The following NALF1 variants were observed in gnomAD, a reference collection of about 807,000 sequenced individuals.
The protein encoded by NALF1 is family with sequence similarity 155 member A.
A neutral mutation model predicts 48.4 loss-of-function variants in NALF1; 3 were observed. That is an observed-to-expected ratio of 0.06 (90% CI 0.03 to 0.16). The LOEUF is 0.16. Among genes scored for constraint, NALF1 ranks in the 10% least tolerant of loss-of-function variants. The pLI is 1.00. For missense variants in NALF1, 526 were observed against 571.5 expected (o/e 0.92, Z 0.81); for synonymous variants, 262 against 245.7 (o/e 1.07, Z -0.62).
intron 1 of NALF1, among the ~76,000 whole-genome samples, chr13:107,804,612 A>G (rs1594279418): frequency 6.6e-6 from 1 of 152,270 alleles, no homozygotes. Flanking sequence ...CTCAGCAGGT[A>G]CTTGCACTGA....
intron 1 of NALF1, among the ~76,000 whole-genome samples, chr13:107,455,238 C>T (rs868841219): frequency 6.6e-6 from 1 of 152,106 alleles, no homozygotes; most frequent in Non-Finnish European, 1.5e-5. Context: ...ATTAAACTTG[C>T]TTTCTTTATA....
intron 1 of NALF1, among the ~76,000 whole-genome samples, chr13:107,863,873 G>A (rs900749658): frequency 5.9e-5 from 9 of 152,248 alleles, no homozygotes; most frequent in African/African-American, 2.2e-4. Context: ...ATACGCTGCA[G>A]TCTATTGTCA....
At chr13:107,317,376 T>C (rs1161136273) in intron 1 of NALF1, among the ~76,000 whole-genome samples, 1 of 152,098 alleles carries the variant, frequency 6.6e-6, no homozygotes, top group African/African-American at 2.4e-5. Context: ...AACCATTCTA[T>C]GATCCCATTG....
chr13:107,568,157 T>A (rs1029297189), intron 1 of NALF1, among the ~76,000 whole-genome samples: 4 of 152,080 alleles, frequency 2.6e-5, no homozygotes, highest in African/African-American at 9.7e-5. Context: ...TATTTTAATT[T>A]TTTCGTAGAG....
intron 2 of NALF1, among the ~76,000 whole-genome samples, chr13:107,205,506 C>A (rs4616151): frequency 0.33 from 49,725 of 151,872 alleles, 9,590 homozygotes; most frequent in Middle Eastern, 0.49. Context: ...CCAGGGGGCG[C>A]CCATCTCCCA....
intron 1 of NALF1, among the ~76,000 whole-genome samples, chr13:107,427,373 C>A (rs1304749181): frequency 6.6e-6 from 1 of 151,902 alleles, no homozygotes; most frequent in Non-Finnish European, 1.5e-5. Flanking sequence ...AATAACAGAA[C>A]TTCAATTTTT....
intron 1 of NALF1, among the ~76,000 whole-genome samples, chr13:107,824,632 G>A (rs1879458479): frequency 6.6e-6 from 1 of 152,232 alleles, no homozygotes; most frequent in Non-Finnish European, 1.5e-5. Flanking sequence ...GATTCAGACA[G>A]AAAATCATTG....
chr13:107,645,680 C>CAAAA (rs56187783), intron 1 of NALF1, among the ~76,000 whole-genome samples: 32 of 132,488 alleles, frequency 2.4e-4, no homozygotes, highest in East Asian at 1.3e-3. Context: ...TACTGGGAGA[C>CAAAA]AAAAAAAAAA....
intron 1 of NALF1, among the ~76,000 whole-genome samples, chr13:107,555,584 C>T (rs1877445961): frequency 6.6e-6 from 1 of 151,504 alleles, no homozygotes; most frequent in African/African-American, 2.4e-5. Flanking sequence ...CGTGAGCTAC[C>T]ACGCCCAGCC....
chr13:107,341,880 AACAC>A (rs57041785), intron 1 of NALF1, among the ~76,000 whole-genome samples: 3,255 of 146,720 alleles, frequency 0.022, 35 homozygotes, highest in Middle Eastern at 0.028. Flanking sequence ...TGCACATGCA[AACAC>A]ACACACACAC....
At chr13:107,652,398 T>C (rs756181091) in intron 1 of NALF1, among the ~76,000 whole-genome samples, 1 of 152,208 alleles carries the variant, frequency 6.6e-6, no homozygotes, top group Non-Finnish European at 1.5e-5. Context: ...TGAAGATAAC[T>C]AAATATAATA....
chr13:107,410,590 G>A (rs1277241584), intron 1 of NALF1, among the ~76,000 whole-genome samples: 1 of 151,782 alleles, frequency 6.6e-6, no homozygotes, highest in Non-Finnish European at 1.5e-5. Context: ...ATACACACAC[G>A]ACAATGCTGT....
At chr13:107,183,924 T>C (rs1430299812) in intron 2 of NALF1, among the ~76,000 whole-genome samples, 1 of 152,090 alleles carries the variant, frequency 6.6e-6, no homozygotes, top group Non-Finnish European at 1.5e-5. Flanking sequence ...TTTTCCAACT[T>C]TACCACTGTC....
At chr13:107,423,153 C>G (rs771650346) in intron 1 of NALF1, among the ~76,000 whole-genome samples, 2 of 152,142 alleles carry the variant, frequency 1.3e-5, no homozygotes, top group Non-Finnish European at 2.9e-5. Context: ...GTTTTGTTCA[C>G]ATTTGGGATA....
At chr13:107,750,260 C>T (rs1388301034) in intron 1 of NALF1, among the ~76,000 whole-genome samples, 1 of 152,096 alleles carries the variant, frequency 6.6e-6, no homozygotes, top group East Asian at 1.9e-4. Flanking sequence ...CCACACAGGG[C>T]ATCGTCCCTG....
intron 2 of NALF1, among the ~76,000 whole-genome samples, chr13:107,192,655 AC>A (rs1225547675): frequency 7.4e-6 from 1 of 134,300 alleles, no homozygotes; most frequent in Non-Finnish European, 1.8e-5. Flanking sequence ...CATATCTATT[AC>A]TGAAGTTATG....
chr13:107,325,399 C>A (rs1392554722), intron 1 of NALF1, among the ~76,000 whole-genome samples: 1 of 152,056 alleles, frequency 6.6e-6, no homozygotes, highest in Non-Finnish European at 1.5e-5. Context: ...CATTTTATAA[C>A]CCCTTTTTGA....
At position 107,449,575 on chromosome 13, in the gene NALF1, T is replaced by C. The variant is rs532464980; in HGVS notation, c.916-238820A>G. Among the ~76,000 whole-genome samples, 7 of 152,320 alleles carry C rather than the reference T, an allele frequency of 4.6e-5. No homozygotes were observed. The South Asian group carries it at 1.0e-3, about 23-fold the overall frequency. ...TAGGAAGATAATGCACAAGCGGATA[T>C]GTAGAAGTCGGTAAAGAGAAATTTT... On this transcript the variant is annotated intron_variant, in intron 1 of 2. Transcript: ENST00000375915.
intron 1 of NALF1, among the ~76,000 whole-genome samples, chr13:107,388,888 G>A (rs971528148): frequency 6.6e-6 from 1 of 152,040 alleles, no homozygotes; most frequent in African/African-American, 2.4e-5. Flanking sequence ...ACAGATGTAA[G>A]GATATACTGA....
Sources: gnomAD v4.1 joint callset for allele counts (sites outside exome capture counted in the v4.1 genomes callset) on GRCh38, gnomAD v4.1.1 for gene constraint, MANE v1.5 for transcripts, NCBI Gene and HGNC (gene_info 2026-07-23, HGNC 2026-07-21) for gene names.